The following ALS2CL variants were observed in gnomAD, a reference collection of about 807,000 sequenced individuals.
ALS2CL encodes the protein ALS2 C-terminal-like protein.
Under a neutral mutation model 127.9 loss-of-function variants are expected in ALS2CL, and 112 were observed. The ratio of observed to expected loss-of-function variants is 0.88; its 90% CI spans 0.75 to 1.02. ALS2CL has a LOEUF of 1.02. Ranked by LOEUF, ALS2CL falls within the 50% of genes least tolerant of loss-of-function variation. The pLI, the probability that ALS2CL is intolerant of heterozygous loss-of-function variation, is 0.00. For missense variants in ALS2CL, 1,174 were observed against 1,236.7 expected, an observed-to-expected ratio of 0.95 and a Z score of 0.76; for synonymous variants, 519 against 527.6, an observed-to-expected ratio of 0.98 and a Z score of 0.22.
intron 7 of ALS2CL, among the ~76,000 whole-genome samples, chr3:46,685,178 G>A (rs551804562): frequency 5.3e-4 from 80 of 152,252 alleles, no homozygotes; most frequent in African/African-American, 1.9e-3. Flanking sequence ...TCTCATTTGA[G>A]TACAATGGGA....
At position 46,687,702 on chromosome 3, in the gene ALS2CL, GACACCCTGCAA is replaced by G; in HGVS notation, c.303-29_303-19del. 1.2e-6 allele frequency: 2 copies of G among 1,607,982 alleles called. No individual in the cohort carries two copies. Among genetic ancestry groups the G allele is most frequent in the Non-Finnish European group, 1.7e-6 (2 of 1,177,038 alleles). On this transcript the variant is annotated intron_variant, in intron 3 of 25. Coordinates refer to ENST00000318962, the MANE Select transcript of ALS2CL (RefSeq NM_147129.5). ...CAATGTACCTGCAGGCAGCACAGGG[GACACCCTGCAA>G]ACCCAGTCCTCAGCCCCAGACCTAA...
At chr3:46,688,705 A>G (rs1023214840) in intron 2 of ALS2CL, among the ~76,000 whole-genome samples, 1 of 152,242 alleles carries the variant, frequency 6.6e-6, no homozygotes, top group African/African-American at 2.4e-5. Context: ...CACCTGTCCA[A>G]GGCCTCACAG....
chr3:46,674,650 C>G lies in ALS2CL; in HGVS notation c.2345G>C (p.Arg782Pro). Reference sequence around the variant, plus strand: ...GCCCTGGCTGTAGAAGCTGTCCTCCCGCTCATGAAGCAGCAGGTAGAGCGT... The same window carrying G: ...GCCCTGGCTGTAGAAGCTGTCCTCCGGCTCATGAAGCAGCAGGTAGAGCGT... ...LFTLYLLLHE[R>P]EDSFYSQGIA... Residue 782 changes from arginine to proline, a missense_variant, in exon 21 of 26, where the codon CGG (arginine) becomes CCG (proline). Arg to Pro is a moderately radical substitution (Grantham distance 103). Transcript: ENST00000318962. 6.2e-7 allele frequency: 1 copy of G among 1,614,140 alleles called. No homozygotes were observed. The highest frequency in any genetic ancestry group is 8.5e-7 in the Non-Finnish European group (1 of 1,180,020).
chr3:46,675,704 A>G lies in ALS2CL; in HGVS notation c.2187-18T>C. The G allele has an allele frequency of 1.2e-6, 2 of 1,613,172 alleles. No individual in the cohort carries two copies. Among genetic ancestry groups the G allele is most frequent in the Non-Finnish European group, 1.7e-6 (2 of 1,180,000 alleles). ...GCAGACCCCTGTGAGTCAATGAGAG[A>G]GAAATGGTGTGGCTGCCCCTTGCCA... On this transcript the variant is annotated intron_variant, in intron 19 of 25. Coordinates refer to ENST00000318962, the MANE Select transcript of ALS2CL (RefSeq NM_147129.5).
Position 46,671,570 on chromosome 3 carries a change from C to G in ALS2CL, c.2699G>C (p.Gly900Ala). The change falls in exon 25 of 26, where the codon GGA (glycine) becomes GCA (alanine). Residue 900 changes from glycine to alanine, a missense_variant. Gly to Ala is a moderately conservative substitution (Grantham distance 60). Transcript: ENST00000318962. ...VVSRARIQHL[G>A]AEIHLIRDMM... is the part of the protein sequence containing the mutation. Reference sequence around the variant, plus strand: ...GTCACGGATCAGGTGGATCTCGGCTCCCAGGTGCTGAATTCTGGAGAACAC... The same window carrying G: ...GTCACGGATCAGGTGGATCTCGGCTGCCAGGTGCTGAATTCTGGAGAACAC... 1 of 1,613,552 alleles carries G rather than the reference C, an allele frequency of 6.2e-7. No homozygotes were observed. The highest frequency in any genetic ancestry group is 8.5e-7 in the Non-Finnish European group (1 of 1,179,852).
chr3:46,680,822 G>A, intron 13 of ALS2CL: 2 of 534,364 alleles, frequency 3.7e-6, no homozygotes, highest in Non-Finnish European at 6.8e-6. Context: ...GGAGGTAGGA[G>A]CATGTGATGG....
At chr3:46,683,075 G>A (rs1048606548) in intron 10 of ALS2CL, 55 bp downstream of exon 10, 98 of 1,475,100 alleles carry the variant, frequency 6.6e-5, no homozygotes, top group Non-Finnish European at 8.5e-5. Flanking sequence ...GCTGCTCTCT[G>A]CCCCGCAGAC....
Position 46,685,590 on chromosome 3 carries a change from CGG to C in ALS2CL, c.719_720del (p.Pro240ArgfsTer9). 6.2e-7 allele frequency: 1 copy of C among 1,614,036 alleles called. No homozygotes were observed. The highest frequency in any genetic ancestry group is 2.2e-5 in the East Asian group (1 of 44,874). On this transcript the variant is annotated frameshift_variant, in exon 7 of 26. Coordinates refer to ENST00000318962, the MANE Select transcript of ALS2CL (RefSeq NM_147129.5). LOFTEE classifies it high-confidence loss of function. ...TCAGCCCGCAACGGTGCGACCGTCA[CGG>C]GTACGTCCTGGCTGTCCTGAAGGAG... ...HRLLQDSQDV[P>X]VTVAPLRAER...
chr3:46,676,600 G>C (rs763527960), intron 18 of ALS2CL, 42 bp downstream of exon 18: 11 of 1,601,386 alleles, frequency 6.9e-6, no homozygotes, highest in Non-Finnish European at 8.5e-6. Flanking sequence ...ACCAGGGACA[G>C]TGACAATGTC....
intron 19 of ALS2CL, 52 bp downstream of exon 19, chr3:46,676,193 G>A: frequency 1.3e-6 from 2 of 1,586,410 alleles, no homozygotes; most frequent in Non-Finnish European, 1.7e-6. Flanking sequence ...TGCCTGGAAA[G>A]GGCACACTAG....
At chr3:46,677,233 G>A in intron 16 of ALS2CL, 5 of 1,400,700 alleles carry the variant, frequency 3.6e-6, no homozygotes, top group Non-Finnish European at 4.6e-6. Context: ...AATCTACCCT[G>A]CGACGAGAAG....
intron 21 of ALS2CL, 65 bp from the exon 22 acceptor site, chr3:46,673,446 G>A: frequency 6.7e-7 from 1 of 1,495,132 alleles, no homozygotes; most frequent in Non-Finnish European, 9.1e-7. Context: ...AGGTCAGAGG[G>A]CAAATTCCCT....
intron 25 of ALS2CL, 117 bp downstream of exon 25, chr3:46,671,371 C>A (rs776026145): frequency 3.0e-5 from 44 of 1,483,442 alleles, no homozygotes; most frequent in Non-Finnish European, 3.7e-5. Context: ...CAGAGTCACA[C>A]ATGAGCTGTG....
intron 1 of ALS2CL, among the ~76,000 whole-genome samples, chr3:46,690,666 A>G (rs1285303760): frequency 6.6e-6 from 1 of 152,234 alleles, no homozygotes; most frequent in African/African-American, 2.4e-5. Context: ...TTTTAGCCCA[A>G]GACCCGCAGA....
At position 46,686,434 on chromosome 3, in the gene ALS2CL, GTGA is replaced by G. The variant is rs758252786; in HGVS notation, c.537_539del (p.His180del). The G allele has an allele frequency of 5.6e-6, 9 of 1,612,782 alleles. No homozygotes were observed. In the South Asian group the frequency reaches 9.9e-5, roughly 18 times the overall value. On this transcript the variant is annotated inframe_deletion and splice_region_variant, in exon 6 of 26. Transcript: ENST00000318962. This position sits in a 1 kb window ranked among gnomAD's most constrained non-coding sequence, Gnocchi z 4.3. ...CGTTCACCACCAGCTCCCGGGTTGG[GTGA>G]TGCTGAAGGGGGACAGGGCAGCCAG...
In ALS2CL at chr3:46,676,853, C is replaced by T. The variant is rs761419445; in HGVS notation, c.1927G>A (p.Glu643Lys). ...TGCTCACACAGCCGGCCTCACCTCTCGCAGGACAGGTAATCCTGAGACCTA... is the reference window on the plus strand; with the variant it reads ...TGCTCACACAGCCGGCCTCACCTCTTGCAGGACAGGTAATCCTGAGACCTA... ...LRRSQDYLSC[E>K]RTHPEDSVGS... The change falls in exon 17 of 26, where the codon GAG (glutamate) becomes AAG (lysine). Residue 643 changes from glutamate to lysine, a missense_variant. Coordinates refer to ENST00000318962, the MANE Select transcript of ALS2CL (RefSeq NM_147129.5). 2.1e-5 allele frequency: 34 copies of T among 1,607,262 alleles called. No individual in the cohort carries two copies. The Middle Eastern group carries it at 6.6e-4, about 31-fold the overall frequency.
Position 46,686,356 on chromosome 3 carries a change from C to G in ALS2CL, c.618G>C (p.Gln206His). The part of the protein sequence containing the change: ...LQSFMKQELD[Q>H]AVATQALWHT... ...GCCAGAGAGCCTGTGTGGCCACAGC[C>G]TGGTCCAACTCCTGCTTCATGAAGG... The change falls in exon 6 of 26, where the codon CAG becomes CAC. Residue 206 changes from glutamine (Q) to histidine (H), a missense_variant. By Grantham distance (24) the Gln-to-His change is conservative. Coordinates refer to ENST00000318962, the MANE Select transcript of ALS2CL (RefSeq NM_147129.5). The surrounding 1 kb of genome is among the most constrained non-coding windows in gnomAD (Gnocchi z 4.3). 1 of 1,613,730 alleles carries G rather than the reference C, an allele frequency of 6.2e-7. No individual in the cohort carries two copies. The highest frequency in any genetic ancestry group is 8.5e-7 in the Non-Finnish European group (1 of 1,179,902).
intron 10 of ALS2CL, among the ~76,000 whole-genome samples, chr3:46,682,551 G>A (rs1415732417): frequency 6.6e-6 from 1 of 152,184 alleles, no homozygotes; most frequent in East Asian, 1.9e-4. Context: ...GTAGCCTTGT[G>A]AGTCCCTTCT....
chr3:46,687,535 C>T, intron 4 of ALS2CL, 84 bp downstream of exon 4: 3 of 1,482,968 alleles, frequency 2.0e-6, no homozygotes, highest in Non-Finnish European at 1.9e-6. Flanking sequence ...ACACCTGCTG[C>T]TCTGGGGAGG....
Sources: gnomAD v4.1 joint callset for allele counts (sites outside exome capture counted in the v4.1 genomes callset) on GRCh38, gnomAD v4.1.1 for gene constraint, Gnocchi (gnomAD v3.1) non-coding constraint, MANE v1.5 for transcripts, NCBI Gene and HGNC (gene_info 2026-07-23, HGNC 2026-07-21) for gene names.